Variants in GPD2 observed in about 807,000 individuals in gnomAD.
GPD2 encodes glycerol-3-phosphate dehydrogenase, mitochondrial.
GPD2 carries 54 observed loss-of-function variants against 82.4 expected under a neutral mutation model. The observed-to-expected ratio is 0.66, with a 90% CI of 0.53 to 0.82. The LOEUF (loss-of-function observed/expected upper bound fraction) is 0.82. GPD2 is among the 40% of genes least tolerant of loss of function. The pLI, the probability that GPD2 is intolerant of heterozygous loss-of-function variation, is 0.00. For missense variants in GPD2, 748 were observed against 896.2 expected, an observed-to-expected ratio of 0.83 and a Z score of 2.11; for synonymous variants, 288 against 306.1, an observed-to-expected ratio of 0.94 and a Z score of 0.62.
At chr2:156,522,521 T>G (rs540047989) in intron 6 of GPD2, among the ~76,000 whole-genome samples, 7 of 152,332 alleles carry the variant, frequency 4.6e-5, no homozygotes, top group African/African-American at 7.2e-5. Context: ...ATCAAAAATC[T>G]TTGTCCACTC....
At chr2:156,444,739 A>ACACACACACT (rs1380883490) in intron 1 of GPD2, among the ~76,000 whole-genome samples, 2 of 151,706 alleles carry the variant, frequency 1.3e-5, no homozygotes, top group African/African-American at 2.4e-5. Context: ...ACACACACAC[A>ACACACACACT]CTAACATAAT....
At chr2:156,530,596 A>G (rs971195984) in intron 6 of GPD2, among the ~76,000 whole-genome samples, 3 of 151,576 alleles carry the variant, frequency 2.0e-5, no homozygotes, top group Non-Finnish European at 4.4e-5. Flanking sequence ...TTATTTTGAA[A>G]TACGTTCCAT....
intron 2 of GPD2, chr2:156,495,723 T>C (rs1385220429): frequency 2.5e-6 from 1 of 392,318 alleles, no homozygotes; most frequent in African/African-American, 2.1e-5. Context: ...CCCTTATAAA[T>C]TGCCTTAGAT....
intron 10 of GPD2, 46 bp downstream of exon 10, chr2:156,569,005 T>TTTGTTA: frequency 3.3e-6 from 5 of 1,501,864 alleles, no homozygotes; most frequent in Non-Finnish European, 4.6e-6. Context: ...TTTTTTTTTT[T>TTTGTTA]TGTTATAGGG....
At chr2:156,420,130 C>A in the GPD2 span, among the ~76,000 whole-genome samples, 3 of 152,128 alleles carry the variant, frequency 2.0e-5, no homozygotes, top group African/African-American at 4.8e-5. Context: ...TAGTCAGATT[C>A]TTTTAAGAGA....
At chr2:156,479,781 G>A (rs1390046154) in intron 2 of GPD2, among the ~76,000 whole-genome samples, 5 of 152,100 alleles carry the variant, frequency 3.3e-5, no homozygotes, top group South Asian at 4.1e-4. Context: ...GGCTTTTAGC[G>A]TGGTCTTAGA....
At chr2:156,402,349 G>A in the GPD2 span, among the ~76,000 whole-genome samples, 4 of 152,074 alleles carry the variant, frequency 2.6e-5, no homozygotes, top group African/African-American at 9.7e-5. Context: ...TTAGTGTGTG[G>A]GTAAAGAGCA....
intron 1 of GPD2, among the ~76,000 whole-genome samples, chr2:156,474,626 G>A (rs149101264): frequency 8.3e-4 from 127 of 152,146 alleles, no homozygotes; most frequent in Admixed American, 1.4e-3. Flanking sequence ...ATCTTTTTAC[G>A]TTTAACAGTA....
At chr2:156,483,790 G>T (rs1178927401) in intron 2 of GPD2, among the ~76,000 whole-genome samples, 13 of 152,182 alleles carry the variant, frequency 8.5e-5, no homozygotes, top group Admixed American at 8.5e-4. Flanking sequence ...CTTTTCAGCA[G>T]TTTCTTTGTT....
chr2:156,501,517 T>A (rs1684583755), intron 3 of GPD2, among the ~76,000 whole-genome samples: 1 of 152,108 alleles, frequency 6.6e-6, no homozygotes, highest in Non-Finnish European at 1.5e-5. Context: ...TCTCTATAAA[T>A]AAACATTTGG....
intron 16 of GPD2, 35 bp downstream of exon 16, chr2:156,579,823 T>A (rs766577360): frequency 3.1e-6 from 3 of 974,124 alleles, no homozygotes; most frequent in South Asian, 2.6e-5. Context: ...GGATATTTGC[T>A]TTTATCTTTT....
chr2:156,512,604 C>T (rs919386224), intron 5 of GPD2, among the ~76,000 whole-genome samples: 33 of 152,100 alleles, frequency 2.2e-4, no homozygotes, highest in African/African-American at 8.0e-4. Flanking sequence ...TGAGCAACTG[C>T]ATTTGCATTA....
intron 9 of GPD2, among the ~76,000 whole-genome samples, chr2:156,559,027 G>A: frequency 6.6e-6 from 1 of 151,808 alleles, no homozygotes; most frequent in Non-Finnish European, 1.5e-5. Context: ...GTTTTATTAG[G>A]TTTCATGTCT....
At chr2:156,503,636 T>C (rs1171735375) in intron 3 of GPD2, among the ~76,000 whole-genome samples, 2 of 152,180 alleles carry the variant, frequency 1.3e-5, no homozygotes, top group Non-Finnish European at 2.9e-5. Context: ...GGCTAAGATG[T>C]GTTACAAATT....
chr2:156,575,096 G>A (rs949646927), intron 13 of GPD2, among the ~76,000 whole-genome samples: 2 of 152,172 alleles, frequency 1.3e-5, no homozygotes, highest in Non-Finnish European at 2.9e-5. Flanking sequence ...CAGAGAATTT[G>A]CAGTTAAGAT....
chr2:156,569,271 GA>G lies in GPD2; in HGVS notation c.1301-88del, dbSNP rs1007188337. On this transcript the variant is annotated intron_variant, in intron 10 of 16. Transcript: ENST00000438166. ...ATCCCATGTTTGTTACAAACAACAG[GA>G]AAATTTTGTTATTGGTAAGTTGATA... 5.8e-6 allele frequency: 5 copies of G among 867,638 alleles called. No individual in the cohort carries two copies. In the African/African-American group the frequency reaches 8.4e-5, roughly 15 times the overall value. The allele number at this position is 867,638 out of a possible 1,614,324, so 53.7% of individuals were successfully genotyped here.
chr2:156,508,523 C>T (rs1019629454), intron 3 of GPD2, among the ~76,000 whole-genome samples: 3 of 152,052 alleles, frequency 2.0e-5, no homozygotes, highest in Non-Finnish European at 4.4e-5. Flanking sequence ...GGGTAGGTAT[C>T]CCTAAGGATA....
intron 1 of GPD2, among the ~76,000 whole-genome samples, chr2:156,469,504 T>G (rs1683254606): frequency 6.6e-6 from 1 of 152,320 alleles, no homozygotes; most frequent in Admixed American, 6.5e-5. Flanking sequence ...TACTTCATTG[T>G]GTATATGTAC....
At chr2:156,494,366 G>A (rs1333565057) in intron 2 of GPD2, among the ~76,000 whole-genome samples, 2 of 152,120 alleles carry the variant, frequency 1.3e-5, no homozygotes, top group Non-Finnish European at 1.5e-5. Context: ...AAATCACAGG[G>A]ATTTTTGTCA....
Sources: allele counts gnomAD v4.1 joint callset (sites outside exome capture counted in the v4.1 genomes callset), GRCh38; gene constraint gnomAD v4.1.1; transcripts MANE v1.5; gene names NCBI Gene and HGNC (gene_info 2026-07-23, HGNC 2026-07-21).